The following DIP2B variants were observed in gnomAD, a reference collection of about 807,000 sequenced individuals.
DIP2B encodes the protein disco-interacting protein 2 homolog B.
DIP2B carries 76 observed loss-of-function variants against 198.0 expected under a neutral mutation model. The observed-to-expected ratio is 0.38, with a 90% CI of 0.32 to 0.46. DIP2B has a LOEUF of 0.46. DIP2B is among the 20% of genes least tolerant of loss of function. DIP2B has a pLI of 0.99. For synonymous variants in DIP2B, 701 were observed against 739.1 expected (o/e 0.95, Z 0.84); for missense variants, 1,559 against 1,978.4 (o/e 0.79, Z 4.02).
intron 1 of DIP2B, among the ~76,000 whole-genome samples, chr12:50,509,810 C>T (rs1180346872): frequency 6.6e-6 from 1 of 152,156 alleles, no homozygotes; most frequent in East Asian, 1.9e-4. Flanking sequence ...TCCCAAAATC[C>T]GTAGCTTAGT....
chr12:50,658,098 A>G (rs1364560777), intron 3 of DIP2B, among the ~76,000 whole-genome samples: 6 of 151,986 alleles, frequency 3.9e-5, no homozygotes, highest in Admixed American at 6.5e-5. Flanking sequence ...AAAAAAAAAA[A>G]AAAGAAAGAA....
chr12:50,539,900 C>G (rs1958304790), intron 1 of DIP2B, among the ~76,000 whole-genome samples: 1 of 151,960 alleles, frequency 6.6e-6, no homozygotes, highest in South Asian at 2.1e-4. Flanking sequence ...ATGAATTCTT[C>G]TGATTTGTCT....
At chr12:50,698,922 T>G in intron 18 of DIP2B, 144 bp from the exon 19 acceptor site, 2 of 864,696 alleles carry the variant, frequency 2.3e-6, no homozygotes, top group Non-Finnish European at 3.5e-6. Flanking sequence ...TAGTTTCAGG[T>G]TTATGTTTAG....
chr12:50,524,405 G>T (rs914666425), intron 1 of DIP2B, among the ~76,000 whole-genome samples: 2 of 152,056 alleles, frequency 1.3e-5, no homozygotes, highest in Non-Finnish European at 2.9e-5. Context: ...ACGTTTCCAT[G>T]GCCTGCAAGA....
chr12:50,576,745 T>G (rs1958665325), intron 1 of DIP2B, among the ~76,000 whole-genome samples: 1 of 135,044 alleles, frequency 7.4e-6, no homozygotes, highest in African/African-American at 2.7e-5. Flanking sequence ...CCTCTCAAAG[T>G]GCTGGGATTA....
rs897715421 is a variant in DIP2B, at chr12:50,747,425, G to A, written c.*2586G>A. 6.6e-6 allele frequency: 1 copy of A among 152,224 alleles called. No homozygotes were observed. The highest frequency in any genetic ancestry group is 2.4e-5 in the African/African-American group (1 of 41,448). The allele number at this position is 152,224 out of a possible 1,614,324, so 9.4% of individuals were successfully genotyped here. The stretch of plus-strand genomic sequence containing the variant: ...CAGAATCTGCTCATGGAGGAAGGAA[G>A]GCTAAGAACTGTCCTTGAGGAACTT... On this transcript the variant is annotated 3_prime_UTR_variant, in exon 38 of 38. Coordinates refer to ENST00000301180, the MANE Select transcript of DIP2B (RefSeq NM_173602.3).
Position 50,595,643 on chromosome 12 carries a change from T to C in DIP2B, c.101-30333T>C, listed in dbSNP as rs907065335. 2.6e-5 allele frequency among the ~76,000 whole-genome samples: 4 copies of C among 152,222 alleles called. No individual in the cohort carries two copies. In the South Asian group the frequency reaches 6.2e-4, roughly 24 times the overall value. On this transcript the variant is annotated intron_variant, in intron 1 of 37. Coordinates refer to ENST00000301180, the MANE Select transcript of DIP2B (RefSeq NM_173602.3). Reference sequence around the variant, plus strand: ...CAGAAAGTATCAAGTACGTCAAGATTATATTTAATGTGGCCATTGAGGAGA... The same window carrying C: ...CAGAAAGTATCAAGTACGTCAAGATCATATTTAATGTGGCCATTGAGGAGA...
intron 1 of DIP2B, among the ~76,000 whole-genome samples, chr12:50,611,000 A>G (rs1032275064): frequency 6.6e-6 from 1 of 151,966 alleles, no homozygotes. Context: ...GGGTTCCACC[A>G]TCTTGGCCAG....
chr12:50,692,353 C>G (rs1182037997), intron 13 of DIP2B, among the ~76,000 whole-genome samples: 1 of 151,566 alleles, frequency 6.6e-6, no homozygotes, highest in African/African-American at 2.4e-5. Flanking sequence ...TGTCAAACTT[C>G]CCAAGTTTCT....
At chr12:50,584,714 C>T (rs987788079) in intron 1 of DIP2B, among the ~76,000 whole-genome samples, 1 of 152,102 alleles carries the variant, frequency 6.6e-6, no homozygotes, top group African/African-American at 2.4e-5. Flanking sequence ...CAGATGTGTG[C>T]CGCCACACCT....
intron 1 of DIP2B, among the ~76,000 whole-genome samples, chr12:50,530,103 G>GTC (rs915959213): frequency 8.6e-5 from 13 of 151,908 alleles, no homozygotes; most frequent in Admixed American, 3.3e-4. Flanking sequence ...TTGAGACAGG[G>GTC]TCTCTCTCTG....
intron 16 of DIP2B, among the ~76,000 whole-genome samples, chr12:50,696,468 C>T (rs1939313410): frequency 6.6e-6 from 1 of 152,128 alleles, no homozygotes; most frequent in African/African-American, 2.4e-5. Flanking sequence ...GCTTTTAAGT[C>T]ATTCTTTTTT....
chr12:50,742,422 A>AAAAAAAAAAC (rs1940267135), intron 37 of DIP2B, among the ~76,000 whole-genome samples: 1 of 79,096 alleles, frequency 1.3e-5, no homozygotes, highest in Non-Finnish European at 3.5e-5. Flanking sequence ...AAAAAAAAAA[A>AAAAAAAAAAC]CCACCTCTGT....
intron 1 of DIP2B, among the ~76,000 whole-genome samples, chr12:50,509,081 T>C (rs978274576): frequency 2.0e-5 from 3 of 152,182 alleles, no homozygotes; most frequent in Admixed American, 6.5e-5. Flanking sequence ...GTTCAGCAGA[T>C]GTGTATTTTG....
chr12:50,530,223 C>T (rs1197859680), intron 1 of DIP2B, among the ~76,000 whole-genome samples: 1 of 152,120 alleles, frequency 6.6e-6, no homozygotes, highest in South Asian at 2.1e-4. Context: ...ACTACAGGCA[C>T]CCGCCATCAC....
chr12:50,521,607 C>T lies in DIP2B; in HGVS notation c.100+16367C>T, dbSNP rs944089543. 2.6e-5 allele frequency among the ~76,000 whole-genome samples: 4 copies of T among 151,092 alleles called. No individual in the cohort carries two copies. The Admixed American group carries it at 2.7e-4, about 10-fold the overall frequency. On this transcript the variant is annotated intron_variant, in intron 1 of 37. Coordinates refer to ENST00000301180, the MANE Select transcript of DIP2B (RefSeq NM_173602.3). ...TCCCAGGTTCAAGTGATTCTTGTGC[C>T]TCAGCCTCCTGAGTAGCTAGAATTA...
At chr12:50,654,788 A>G (rs1938525864) in intron 3 of DIP2B, among the ~76,000 whole-genome samples, 1 of 152,230 alleles carries the variant, frequency 6.6e-6, no homozygotes, top group Admixed American at 6.5e-5. Context: ...TAATCTCATT[A>G]ATGATCAAGG....
At chr12:50,615,346 A>G (rs997079857) in intron 1 of DIP2B, among the ~76,000 whole-genome samples, 13 of 151,948 alleles carry the variant, frequency 8.6e-5, no homozygotes, top group African/African-American at 2.9e-4. Context: ...TGGTTTATTT[A>G]CATACATTTA....
chr12:50,704,694 G>GT (rs1939482263), intron 20 of DIP2B, among the ~76,000 whole-genome samples: 1 of 152,244 alleles, frequency 6.6e-6, no homozygotes, highest in Admixed American at 6.5e-5. Context: ...GCCGGGTGTG[G>GT]TGGCTCATGC....
Sources: gnomAD v4.1 joint callset for allele counts (sites outside exome capture counted in the v4.1 genomes callset) on GRCh38, gnomAD v4.1.1 for gene constraint, MANE v1.5 for transcripts, NCBI Gene and HGNC (gene_info 2026-07-23, HGNC 2026-07-21) for gene names.